The following CR1 variants were observed in gnomAD, a reference collection of about 807,000 sequenced individuals.
CR1 encodes complement receptor type 1.
In CR1, 116 loss-of-function variants were observed where a neutral mutation model predicts 187.3. That is an observed-to-expected ratio of 0.62 (90% CI 0.53 to 0.72). CR1 has a LOEUF of 0.72. Ranked by LOEUF, CR1 falls within the 30% of genes least tolerant of loss-of-function variation. The probability of loss-of-function intolerance (pLI) is 0.00; values close to 1 mark genes in which losing one functional copy is unlikely to be tolerated. For missense variants in CR1, 1,731 were observed against 2,110.7 expected (o/e 0.82, Z 3.52); for synonymous variants, 576 against 747.1 (o/e 0.77, Z 3.73).
rs1662918306 is a variant in CR1 at position 207,639,568 on chromosome 1, C to T, written c.*159C>T. 8 of 654,814 alleles carry T rather than the reference C, an allele frequency of 1.2e-5. No homozygotes were observed. The highest frequency in any genetic ancestry group is 2.1e-5 in the Non-Finnish European group (8 of 381,492). The allele number at this position is 654,814 out of a possible 1,614,324, so 40.6% of individuals were successfully genotyped here. A position where few individuals can be genotyped will look rare whatever the true frequency, so the allele number is the denominator to read the frequency against. ...TGAAGATGCTGCCCCTTCCCTGGTA[C>T]CTAGCAAAGCTCCTGCCTCTTTGTG... On this transcript the variant is annotated 3_prime_UTR_variant, in exon 47 of 47. Coordinates refer to ENST00000367049, the MANE Select transcript of CR1 (RefSeq NM_000651.6).
Position 207,588,632 on chromosome 1 carries a change from G to A in CR1, c.5711-43G>A, listed in dbSNP as rs115880176. The stretch of plus-strand genomic sequence containing the variant: ...TCCAGTCTGAACCTTACAAAGGTAA[G>A]TTGAACTCTATATTTAATCCCAAAT... On this transcript the variant is annotated intron_variant, in intron 34 of 46. Transcript: ENST00000367049. 8.3e-4 allele frequency: 1,127 copies of A among 1,353,952 alleles called. 2 individuals carry two copies. In the African/African-American group the frequency reaches 9.1e-3, roughly 11 times the overall value. The allele number at this position is 1,353,952 out of a possible 1,614,324, so 83.9% of individuals were successfully genotyped here. A position where few individuals can be genotyped will look rare whatever the true frequency, so the allele number is the denominator to read the frequency against.
chr1:207,507,696 C>T (rs1004888923), intron 3 of CR1: 6 of 152,116 alleles, frequency 3.9e-5, no homozygotes, highest in Non-Finnish European at 7.4e-5. Context: ...GGTACCATGA[C>T]TTGGAAAGAT....
At chr1:207,626,698 T>C (rs1662490005) in intron 45 of CR1, among the ~76,000 whole-genome samples, 1 of 152,150 alleles carries the variant, frequency 6.6e-6, no homozygotes. Context: ...CCTCAAACAC[T>C]GGAGACAATT....
chr1:207,632,619 C>G (rs67080023), intron 46 of CR1, among the ~76,000 whole-genome samples: 1 of 151,970 alleles, frequency 6.6e-6, no homozygotes, highest in Non-Finnish European at 1.5e-5. Flanking sequence ...AACCCCTTCT[C>G]TACTAAATAC....
chr1:207,628,388 A>G (rs1662543379), intron 45 of CR1, among the ~76,000 whole-genome samples: 2 of 152,254 alleles, frequency 1.3e-5, no homozygotes, highest in African/African-American at 4.8e-5. Flanking sequence ...GTCAAAATTA[A>G]TAATAAGAGT....
At position 207,611,791 on chromosome 1, in the gene CR1, G is replaced by A. The variant is rs751408730; in HGVS notation, c.6410G>A (p.Gly2137Glu). The change falls in exon 38 of 47, where the codon GGG becomes GAG. Residue 2137 changes from glycine to glutamate, a missense_variant. Transcript: ENST00000367049. ...YSCEPSYDLR[G>E]AASLHCTPQG... ...TGTGAGCCCAGCTATGACCTCAGAG[G>A]GGCTGCGTCTCTGCACTGCACGCCC... 1.2e-6 allele frequency: 2 copies of A among 1,613,952 alleles called. No individual in the cohort carries two copies. Among genetic ancestry groups the A allele is most frequent in the Admixed American group, 3.3e-5 (2 of 60,022 alleles).
Position 207,588,784 on chromosome 1 carries a change from G to A in CR1, c.5810+10G>A. 6.4e-7 allele frequency: 1 copy of A among 1,568,820 alleles called. No individual in the cohort carries two copies. Among genetic ancestry groups the A allele is most frequent in the South Asian group, 1.1e-5 (1 of 87,948 alleles). On this transcript the variant is annotated intron_variant, in intron 35 of 46. Coordinates refer to ENST00000367049, the MANE Select transcript of CR1 (RefSeq NM_000651.6). The stretch of plus-strand genomic sequence containing the variant: ...ATTCTTGTAATGAAGGGTGAGTTGA[G>A]AATACCATCTCTTGAATATGAGTTC...
At chr1:207,633,287 T>A (rs919778196) in intron 46 of CR1, among the ~76,000 whole-genome samples, 21 of 152,148 alleles carry the variant, frequency 1.4e-4, no homozygotes, top group Non-Finnish European at 2.8e-4. Flanking sequence ...TAATATCTCA[T>A]CATTGTTAAA....
chr1:207,628,029 C>T (rs1450854741), intron 45 of CR1, among the ~76,000 whole-genome samples: 1 of 152,102 alleles, frequency 6.6e-6, no homozygotes, highest in Admixed American at 6.5e-5. Context: ...TAATTAGATC[C>T]TATAAATTTT....
At chr1:207,607,734 C>T (rs553149264) in intron 36 of CR1, among the ~76,000 whole-genome samples, 1 of 152,298 alleles carries the variant, frequency 6.6e-6, no homozygotes, top group Non-Finnish European at 1.5e-5. Flanking sequence ...AACTCTTCTT[C>T]CAGTTCTTAG....
chr1:207,575,562 A>C, intron 27 of CR1, 33 bp from the exon 28 acceptor site: 1 of 1,611,754 alleles, frequency 6.2e-7, no homozygotes, highest in Non-Finnish European at 8.5e-7. Context: ...TGAGGTATGT[A>C]CAGGACAATG....
At chr1:207,626,921 C>T (rs1409951614) in intron 45 of CR1, among the ~76,000 whole-genome samples, 1 of 152,082 alleles carries the variant, frequency 6.6e-6, no homozygotes, top group African/African-American at 2.4e-5. Flanking sequence ...GCCTGTAGTC[C>T]CAGCTACTCA....
intron 1 of CR1, among the ~76,000 whole-genome samples, chr1:207,502,367 A>G (rs61822964): frequency 0.099 from 15,011 of 152,186 alleles, 880 homozygotes; most frequent in African/African-American, 0.16. Context: ...CCAAATCCCT[A>G]AGAGGGTCAG....
intron 45 of CR1, among the ~76,000 whole-genome samples, chr1:207,627,009 G>T (rs1381904684): frequency 6.6e-6 from 1 of 152,072 alleles, no homozygotes; most frequent in Non-Finnish European, 1.5e-5. Flanking sequence ...CTGCACTCCA[G>T]CCTGGGCAAC....
intron 27 of CR1, among the ~76,000 whole-genome samples, chr1:207,574,410 A>C (rs1184679988): frequency 6.6e-6 from 1 of 152,230 alleles, no homozygotes; most frequent in African/African-American, 2.4e-5. Context: ...TCACACCTAG[A>C]GGCTCCAGAT....
At chr1:207,638,986 C>A (rs1306198824) in intron 46 of CR1, among the ~76,000 whole-genome samples, 1 of 152,172 alleles carries the variant, frequency 6.6e-6, no homozygotes, top group African/African-American at 2.4e-5. Context: ...GCACTTGGGA[C>A]AGTGGGGGTT....
chr1:207,625,619 C>T (rs1193973352), intron 45 of CR1, among the ~76,000 whole-genome samples: 2 of 152,156 alleles, frequency 1.3e-5, no homozygotes, highest in Non-Finnish European at 2.9e-5. Context: ...GGAGTTATCA[C>T]TCAACTCAGT....
At chr1:207,526,671 A>G in intron 5 of CR1, 82 bp from the exon 6 acceptor site, 1 of 1,478,766 alleles carries the variant, frequency 6.8e-7, no homozygotes, top group Non-Finnish European at 9.0e-7. Context: ...TAGATTTGTA[A>G]TTATTATTCC....
rs191714506 is a variant in CR1 at position 207,616,727 on chromosome 1, C to T, written c.6814C>T (p.Arg2272Cys). 45 of 1,613,950 alleles carry T rather than the reference C, an allele frequency of 2.8e-5. No homozygotes were observed. The highest frequency in any genetic ancestry group is 1.6e-4 in the East Asian group (7 of 44,880). Residue 2272 changes from arginine to cysteine, a missense_variant, in exon 41 of 47, where the codon CGC becomes TGC. This residue lies in a region of CR1 where 1,312 missense variants were observed against 1,379.6 expected (regional missense o/e 0.95). Coordinates refer to ENST00000367049, the MANE Select transcript of CR1 (RefSeq NM_000651.6). Reference protein sequence around the residue: ...TFNLIGESSIRCTSDPQGNGV... With the variant: ...TFNLIGESSICCTSDPQGNGV... ...CAACCTCATTGGGGAGAGCTCCATC[C>T]GCTGCACAAGTGACCCTCAAGGGAA...
Sources: allele counts gnomAD v4.1 joint callset (sites outside exome capture counted in the v4.1 genomes callset), GRCh38; gene constraint gnomAD v4.1.1; regional missense constraint gnomAD v4.1.1; transcripts MANE v1.5; gene names NCBI Gene and HGNC (gene_info 2026-07-23, HGNC 2026-07-21).